Variants in SESTD1 observed in about 807,000 individuals in gnomAD.
SESTD1 encodes the protein SEC14 domain and spectrin repeat-containing protein 1.
In SESTD1, 43 loss-of-function variants were observed where a neutral mutation model predicts 101.7. The ratio of observed to expected loss-of-function variants is 0.42; its 90% CI spans 0.33 to 0.55. The LOEUF (loss-of-function observed/expected upper bound fraction) is 0.55. Ranked by LOEUF, SESTD1 falls within the 20% of genes least tolerant of loss-of-function variation. SESTD1 has a pLI of 0.07. For synonymous variants in SESTD1, 283 were observed against 286.8 expected (o/e 0.99, Z 0.13); for missense variants, 647 against 815.1 (o/e 0.79, Z 2.51).
At chr2:179,137,400 G>A (rs771153487) in intron 9 of SESTD1, among the ~76,000 whole-genome samples, 7 of 152,182 alleles carry the variant, frequency 4.6e-5, no homozygotes, top group Non-Finnish European at 8.8e-5. Context: ...AGAGTATGGA[G>A]AACTGAGAAT....
At chr2:179,135,579 C>T (rs569353673) in intron 9 of SESTD1, among the ~76,000 whole-genome samples, 5 of 152,234 alleles carry the variant, frequency 3.3e-5, no homozygotes, top group Non-Finnish European at 7.4e-5. Flanking sequence ...CATAGTGAGA[C>T]CCTGTCTCTA....
chr2:179,149,347 A>T lies in SESTD1; in HGVS notation c.531T>A (p.Leu177=). 6.2e-7 allele frequency: 1 copy of T among 1,608,960 alleles called. No homozygotes were observed. Among genetic ancestry groups the T allele is most frequent in the South Asian group, 1.1e-5 (1 of 89,468 alleles). The change falls in exon 7 of 18, where the codon CTT becomes CTA. Residue 177 remains leucine, a synonymous_variant. Coordinates refer to ENST00000428443, the MANE Select transcript of SESTD1 (RefSeq NM_178123.5). ...TATCACTTCCATTGTTAATCAAAGC[A>T]AGTTCATCTAATAATGATGTAGATT... ...TKESTSLLDE[L]ALINNGSDKG...
chr2:179,191,931 T>C, intron 1 of SESTD1, 65 bp from the exon 2 acceptor site: 1 of 1,097,230 alleles, frequency 9.1e-7, no homozygotes, highest in Non-Finnish European at 1.4e-6. Context: ...TATATCCTAA[T>C]GATGGTTTAT....
intron 8 of SESTD1, 96 bp downstream of exon 8, chr2:179,146,306 A>G: frequency 8.5e-7 from 1 of 1,179,284 alleles, no homozygotes; most frequent in Non-Finnish European, 1.2e-6. Context: ...TTCCTTCCAC[A>G]TGTACCACAT....
At chr2:179,172,047 C>G in intron 5 of SESTD1, 73 bp downstream of exon 5, 2 of 981,584 alleles carry the variant, frequency 2.0e-6, no homozygotes, top group Non-Finnish European at 3.1e-6. Flanking sequence ...CAATGCTGAA[C>G]GGTCAAAAAT....
Position 179,183,087 on chromosome 2 carries a change from T to C in SESTD1, c.157A>G (p.Ile53Val). Residue 53 changes from isoleucine to valine, a missense_variant, in exon 3 of 18, where the codon ATT becomes GTT. Ile to Val is a conservative substitution (Grantham distance 29). This residue lies in a region of SESTD1 where 168 missense variants were observed against 235.1 expected (regional missense o/e 0.71). Coordinates refer to ENST00000428443, the MANE Select transcript of SESTD1 (RefSeq NM_178123.5). ...AGACACCTTTAGAGTCACCTTGGAA[T>C]GCTGAGTAGGTAGTCTAAGGTGACA... Reference protein sequence around the residue: ...LSVTLDYLLSIPSEKCKARGF... With the variant: ...LSVTLDYLLSVPSEKCKARGF... 1 of 1,598,676 alleles carries C rather than the reference T, an allele frequency of 6.3e-7. No individual in the cohort carries two copies. The highest frequency in any genetic ancestry group is 8.5e-7 in the Non-Finnish European group (1 of 1,172,470).
At chr2:179,117,722 T>TAAAC (rs1420962153) in intron 13 of SESTD1, 109 bp from the exon 14 acceptor site, 1 of 766,052 alleles carries the variant, frequency 1.3e-6, no homozygotes, top group African/African-American at 1.8e-5. Context: ...TACTTAGTCC[T>TAAAC]AAACAATGGA....
At chr2:179,153,062 G>C (rs1245920335) in intron 5 of SESTD1, among the ~76,000 whole-genome samples, 12 of 152,106 alleles carry the variant, frequency 7.9e-5, no homozygotes, top group Admixed American at 7.9e-4. Flanking sequence ...CAACATAAAG[G>C]AGAATACCAT....
intron 9 of SESTD1, among the ~76,000 whole-genome samples, chr2:179,135,849 C>T (rs533833086): frequency 2.0e-5 from 3 of 152,266 alleles, no homozygotes; most frequent in African/African-American, 7.2e-5. Flanking sequence ...AGTGCTATAA[C>T]TTTCTATTGG....
chr2:179,146,440 A>C lies in SESTD1; in HGVS notation c.599T>G (p.Phe200Cys). The C allele has an allele frequency of 6.2e-7, 1 of 1,613,388 alleles. No individual in the cohort carries two copies. Among genetic ancestry groups the C allele is most frequent in the South Asian group, 1.1e-5 (1 of 90,862 alleles). ...QEKERSVDLN[F>C]LPSVDPETVL... ...TGTTTCAGGATCAACCGATGGAAGA[A>C]AGTTTAAATCCACAGACCTGGAAAA... is the stretch of plus-strand genomic sequence containing the variant. The change falls in exon 8 of 18, where the codon TTT (phenylalanine) becomes TGT (cysteine). Residue 200 changes from phenylalanine (F) to cysteine (C), a missense_variant. Phe to Cys is a radical substitution (Grantham distance 205). Around this residue, in one of 3 missense-constraint regions of SESTD1, gnomAD observed 168 missense variants for 235.1 expected, o/e 0.71. Transcript: ENST00000428443.
At chr2:179,195,153 T>C (rs532158280) in intron 1 of SESTD1, among the ~76,000 whole-genome samples, 5 of 152,350 alleles carry the variant, frequency 3.3e-5, no homozygotes, top group African/African-American at 7.2e-5. Context: ...CGGATATGGT[T>C]TGACTCTGTG....
chr2:179,240,635 T>A (rs2047138330), intron 1 of SESTD1, among the ~76,000 whole-genome samples: 1 of 151,864 alleles, frequency 6.6e-6, no homozygotes. Context: ...AAAAAAAACT[T>A]TAGACAAAAA....
In SESTD1 at chr2:179,104,633, G is replaced by C. The variant is rs2044341468; in HGVS notation, c.*5266C>G. On this transcript the variant is annotated 3_prime_UTR_variant, in exon 18 of 18. Transcript: ENST00000428443. ...CTGGAGATTCACTGGGAACTGGCTG[G>C]AGTTCAATAGCCCTTTTGTCAGAAA... is the stretch of plus-strand genomic sequence containing the variant. The C allele has an allele frequency of 1.3e-5, 2 of 152,068 alleles. No individual in the cohort carries two copies. The highest frequency in any genetic ancestry group is 4.1e-4 in the South Asian group (2 of 4,824). The allele number at this position is 152,068 out of a possible 1,614,324, so 9.4% of individuals were successfully genotyped here. A position where few individuals can be genotyped will look rare whatever the true frequency, so the allele number is the denominator to read the frequency against.
intron 8 of SESTD1, 36 bp from the exon 9 acceptor site, chr2:179,143,839 TAA>T: frequency 6.3e-7 from 1 of 1,594,406 alleles, no homozygotes. Flanking sequence ...TTAATATCTG[TAA>T]AGAAATGTAA....
intron 5 of SESTD1, among the ~76,000 whole-genome samples, chr2:179,155,632 G>A (rs549715495): frequency 3.3e-5 from 5 of 151,606 alleles, no homozygotes; most frequent in African/African-American, 7.3e-5. Context: ...AAAACAAAAC[G>A]TAAGGATGGT....
chr2:179,121,686 G>T, intron 13 of SESTD1, 84 bp downstream of exon 13: 3 of 1,196,974 alleles, frequency 2.5e-6, no homozygotes, highest in Admixed American at 2.9e-5. Context: ...AGAACGTTTT[G>T]TCTGTATATA....
intron 1 of SESTD1, among the ~76,000 whole-genome samples, chr2:179,241,583 A>C (rs1483447336): frequency 6.6e-6 from 1 of 151,842 alleles, no homozygotes; most frequent in Non-Finnish European, 1.5e-5. Flanking sequence ...TGCTCGGGCC[A>C]GTTCAACACC....
At chr2:179,113,749 C>T (rs1393391022) in intron 16 of SESTD1, among the ~76,000 whole-genome samples, 2 of 151,852 alleles carry the variant, frequency 1.3e-5, no homozygotes, top group East Asian at 3.9e-4. Context: ...AAAGTAATAT[C>T]TGATAACAAA....
In SESTD1 at chr2:179,183,173, C is replaced by T. The variant is rs890872395; in HGVS notation, c.71G>A (p.Arg24Gln). The change falls in exon 3 of 18, where the codon CGG becomes CAG. Residue 24 changes from arginine to glutamine, a missense_variant. Coordinates refer to ENST00000428443, the MANE Select transcript of SESTD1 (RefSeq NM_178123.5). Reference protein sequence around the residue: ...LAFLSGGKDRRSGLILTIPLC... With the variant: ...LAFLSGGKDRQSGLILTIPLC... ...TGGAATTGTCAAAATGAGGCCACTC[C>T]GTCTGTCTTTTCCTCCTATTAAAAA... 1.2e-6 allele frequency: 2 copies of T among 1,609,598 alleles called. No individual in the cohort carries two copies. Among genetic ancestry groups the T allele is most frequent in the Non-Finnish European group, 8.5e-7 (1 of 1,177,358 alleles).
Sources: allele counts gnomAD v4.1 joint callset (sites outside exome capture counted in the v4.1 genomes callset), GRCh38; gene constraint gnomAD v4.1.1; regional missense constraint gnomAD v4.1.1; transcripts MANE v1.5; gene names NCBI Gene and HGNC (gene_info 2026-07-23, HGNC 2026-07-21).